The following MAPKAP1 variants were observed in gnomAD, a reference collection of about 807,000 sequenced individuals.
MAPKAP1 encodes the protein target of rapamycin complex 2 subunit MAPKAP1.
In MAPKAP1, 20 loss-of-function variants were observed where a neutral mutation model predicts 65.7. That is an observed-to-expected ratio of 0.30 (90% CI 0.21 to 0.44). MAPKAP1 has a LOEUF of 0.44. Among genes scored for constraint, MAPKAP1 ranks in the 20% least tolerant of loss-of-function variants. The probability of loss-of-function intolerance (pLI) is 1.00; values close to 1 mark genes in which losing one functional copy is unlikely to be tolerated. For synonymous variants in MAPKAP1, 222 were observed against 244.3 expected (o/e 0.91, Z 0.85); for missense variants, 423 against 648.0 (o/e 0.65, Z 3.77).
At chr9:125,639,819 T>C (rs1488993826) in intron 4 of MAPKAP1, among the ~76,000 whole-genome samples, 1 of 152,090 alleles carries the variant, frequency 6.6e-6, no homozygotes, top group Non-Finnish European at 1.5e-5. Flanking sequence ...TGAATCAGAA[T>C]TTATAGGTTT....
chr9:125,640,041 C>A (rs1833533338), intron 4 of MAPKAP1, among the ~76,000 whole-genome samples: 1 of 152,160 alleles, frequency 6.6e-6, no homozygotes, highest in South Asian at 2.1e-4. Flanking sequence ...CCTACTAAGA[C>A]CTCAGTATAG....
chr9:125,605,009 T>C (rs542455387), intron 4 of MAPKAP1, among the ~76,000 whole-genome samples: 2 of 152,346 alleles, frequency 1.3e-5, no homozygotes, highest in Admixed American at 6.5e-5. Flanking sequence ...AAAAATACTA[T>C]TGCATTTATT....
At chr9:125,460,205 T>A (rs1051351543) in intron 10 of MAPKAP1, among the ~76,000 whole-genome samples, 2 of 152,052 alleles carry the variant, frequency 1.3e-5, no homozygotes, top group African/African-American at 4.8e-5. Context: ...TGTATAGAAA[T>A]TTTTCATTTT....
At chr9:125,693,195 C>T (rs1835220217) in intron 1 of MAPKAP1, among the ~76,000 whole-genome samples, 1 of 152,012 alleles carries the variant, frequency 6.6e-6, no homozygotes, top group East Asian at 1.9e-4. Context: ...GGCGGATCAC[C>T]TGATGTCAGG....
At chr9:125,625,255 T>TTAAAAAAAAAAAAAAAAAAAAAAA (rs1564589549) in intron 4 of MAPKAP1, among the ~76,000 whole-genome samples, 1 of 64,670 alleles carries the variant, frequency 1.5e-5, no homozygotes, top group African/African-American at 5.9e-5. Context: ...AATAAATAAA[T>TTAAAAAAAAAAAAAAAAAAAAAAA]AAAAAAAAAA....
At chr9:125,495,638 C>G (rs4837017) in intron 8 of MAPKAP1, among the ~76,000 whole-genome samples, 103,146 of 152,076 alleles carry the variant, frequency 0.68, 35,109 homozygotes, top group Middle Eastern at 0.73. Flanking sequence ...AAAACGGAAA[C>G]GGGGGAACTT....
chr9:125,636,168 G>C (rs1833417920), intron 4 of MAPKAP1, among the ~76,000 whole-genome samples: 1 of 152,098 alleles, frequency 6.6e-6, no homozygotes, highest in Non-Finnish European at 1.5e-5. Flanking sequence ...AACTGCTGCT[G>C]AACAACAGAA....
chr9:125,645,019 A>G (rs13300639), intron 4 of MAPKAP1, among the ~76,000 whole-genome samples: 43,905 of 152,124 alleles, frequency 0.29, 7,712 homozygotes, highest in Middle Eastern at 0.4. Context: ...AGGAATCTCA[A>G]AACCACTACA....
chr9:125,607,196 A>G (rs952707686), intron 4 of MAPKAP1, among the ~76,000 whole-genome samples: 20 of 152,368 alleles, frequency 1.3e-4, no homozygotes, highest in African/African-American at 4.3e-4. Context: ...ACCTACAAAA[A>G]TTGCAATTTC....
At chr9:125,469,595 G>A (rs1369491299) in intron 9 of MAPKAP1, among the ~76,000 whole-genome samples, 1 of 152,216 alleles carries the variant, frequency 6.6e-6, no homozygotes, top group African/African-American at 2.4e-5. Context: ...AGAGATGGCT[G>A]CTGTACCCTG....
chr9:125,490,755 G>A (rs1440368286), intron 8 of MAPKAP1, among the ~76,000 whole-genome samples: 1 of 152,160 alleles, frequency 6.6e-6, no homozygotes, highest in African/African-American at 2.4e-5. Context: ...TGAATGCAGA[G>A]GCAGATATGA....
chr9:125,550,241 G>T (rs1488555984), intron 6 of MAPKAP1, among the ~76,000 whole-genome samples: 3 of 152,144 alleles, frequency 2.0e-5, no homozygotes, highest in Non-Finnish European at 2.9e-5. Context: ...GACTGACATT[G>T]TATTAATAAA....
chr9:125,562,123 G>A (rs909814479), intron 5 of MAPKAP1, among the ~76,000 whole-genome samples: 1 of 152,064 alleles, frequency 6.6e-6, no homozygotes, highest in African/African-American at 2.4e-5. Flanking sequence ...GAGGTTCAGG[G>A]GCAAATAATA....
At chr9:125,567,603 A>G (rs1241118517) in intron 5 of MAPKAP1, 2 of 152,212 alleles carry the variant, frequency 1.3e-5, no homozygotes, top group African/African-American at 4.8e-5. Flanking sequence ...TGGAGTAGCC[A>G]TTCTTTTATT....
At chr9:125,456,513 T>C (rs1853167950) in intron 10 of MAPKAP1, among the ~76,000 whole-genome samples, 1 of 152,262 alleles carries the variant, frequency 6.6e-6, no homozygotes, top group Admixed American at 6.5e-5. Context: ...TGCCCTTGTC[T>C]TGTTTGTGGC....
intron 1 of MAPKAP1, among the ~76,000 whole-genome samples, chr9:125,678,842 G>GA (rs1335449736): frequency 6.6e-6 from 1 of 151,938 alleles, no homozygotes; most frequent in Non-Finnish European, 1.5e-5. Context: ...AATGGCTTAT[G>GA]AAAAAAACTG....
chr9:125,662,166 GAGCCCAGGAGTTCAAGACC>G (rs1267630869), intron 3 of MAPKAP1, among the ~76,000 whole-genome samples: 10 of 152,142 alleles, frequency 6.6e-5, no homozygotes, highest in Admixed American at 5.9e-4. Context: ...CAGATCACTT[GAGCCCAGGAGTTCAAGACC>G]AGCCTGGCCA....
At chr9:125,527,270 C>G (rs924835802) in intron 7 of MAPKAP1, among the ~76,000 whole-genome samples, 11 of 152,072 alleles carry the variant, frequency 7.2e-5, no homozygotes, top group African/African-American at 2.4e-4. Flanking sequence ...GTTTCACCAT[C>G]TTGGCCAGGC....
chr9:125,521,560 G>T, intron 7 of MAPKAP1: 1 of 1,388,890 alleles, frequency 7.2e-7, no homozygotes, highest in Non-Finnish European at 9.3e-7. Flanking sequence ...TGCCAAAACT[G>T]GTTGATGGGG....
Sources: allele counts gnomAD v4.1 joint callset (sites outside exome capture counted in the v4.1 genomes callset), GRCh38; gene constraint gnomAD v4.1.1; transcripts MANE v1.5; gene names NCBI Gene and HGNC (gene_info 2026-07-23, HGNC 2026-07-21).